The following PCDH11X variants were observed in gnomAD, a reference collection of about 807,000 sequenced individuals.
PCDH11X encodes protocadherin 11 X-linked, also known as protocadherin-11 X-linked.
A neutral mutation model predicts 53.3 loss-of-function variants in PCDH11X; 18 were observed. The observed-to-expected ratio is 0.34, with a 90% confidence interval of 0.23 to 0.50. PCDH11X has a LOEUF of 0.50. PCDH11X is among the 20% of genes least tolerant of loss of function. PCDH11X has a pLI of 0.98. For synonymous variants in PCDH11X, 279 were observed against 393.3 expected (o/e 0.71, Z 3.44); for missense variants, 570 against 1,032.4 (o/e 0.55, Z 6.14).
intron 10 of PCDH11X, among the ~76,000 whole-genome samples, chrX:92,469,948 G>A (rs1185311801): frequency 1.9e-5 from 2 of 107,104 alleles, no homozygotes; most frequent in African/African-American, 3.4e-5. Flanking sequence ...GAAGAATGTC[G>A]TGATTATTTT....
intron 10 of PCDH11X, among the ~76,000 whole-genome samples, chrX:92,555,033 T>G (rs2075025140): frequency 8.9e-6 from 1 of 111,808 alleles, no homozygotes; most frequent in Non-Finnish European, 1.9e-5. Flanking sequence ...AGAGCCTGAG[T>G]AGCAGGGTTT....
At chrX:92,312,220 A>G (rs1166751770) in intron 8 of PCDH11X, among the ~76,000 whole-genome samples, 1 of 111,409 alleles carries the variant, frequency 9.0e-6, no homozygotes, top group Non-Finnish European at 1.9e-5. Flanking sequence ...CTTTCACAAA[A>G]CATAGTTGAT....
chrX:92,545,487 C>T (rs1045669199), intron 10 of PCDH11X, among the ~76,000 whole-genome samples: 1 of 104,896 alleles, frequency 9.5e-6, no homozygotes, highest in African/African-American at 3.6e-5. Context: ...GTGTAAGCTC[C>T]GCTTCCCGGG....
chrX:91,782,736 C>T (rs1466176135), intron 1 of PCDH11X, among the ~76,000 whole-genome samples: 1 of 111,311 alleles, frequency 9.0e-6, no homozygotes, highest in Non-Finnish European at 1.9e-5. Context: ...TTTAGAGACA[C>T]GCGCTCCAAA....
intron 4 of PCDH11X, among the ~76,000 whole-genome samples, chrX:91,833,355 C>T (rs1422833295): frequency 1.8e-5 from 2 of 109,804 alleles, no homozygotes; most frequent in South Asian, 3.9e-4. Flanking sequence ...TTTTTAATCT[C>T]ACCTTCATAA....
chrX:91,829,826 T>C (rs1474661796), intron 4 of PCDH11X, among the ~76,000 whole-genome samples: 1 of 111,612 alleles, frequency 9.0e-6, no homozygotes, highest in Non-Finnish European at 1.9e-5. Flanking sequence ...ATAACTGATT[T>C]GAAATCACAT....
intron 3 of PCDH11X, 121 bp from the exon 4 acceptor site, chrX:91,811,116 T>C: frequency 1.5e-6 from 1 of 670,598 alleles, no homozygotes. Flanking sequence ...AGTGCAGCAT[T>C]TGGGTTATTG....
At chrX:92,616,513 C>T (rs1029432455) in intron 10 of PCDH11X, among the ~76,000 whole-genome samples, 2 of 110,465 alleles carry the variant, frequency 1.8e-5, no homozygotes, top group Non-Finnish European at 3.8e-5. Context: ...TGAATTCAGA[C>T]CTTTGTTGAA....
chrX:92,412,991 T>C (rs1279041129), intron 9 of PCDH11X, among the ~76,000 whole-genome samples: 1 of 101,275 alleles, frequency 9.9e-6, no homozygotes, highest in Non-Finnish European at 2.0e-5. Context: ...TATCTAATTA[T>C]GTTGCTTTAT....
intron 9 of PCDH11X, among the ~76,000 whole-genome samples, chrX:92,450,034 G>T (rs5942254): frequency 0.25 from 27,648 of 110,381 alleles, 3,227 homozygotes; most frequent in Non-Finnish European, 0.35. Flanking sequence ...TAGAGTTCAT[G>T]AAATGGTAAA....
chrX:92,160,386 C>T (rs1475607456), intron 6 of PCDH11X, among the ~76,000 whole-genome samples: 2 of 110,146 alleles, frequency 1.8e-5, no homozygotes, highest in African/African-American at 3.3e-5. Context: ...GCTTAGCTCC[C>T]GCTTATGAGT....
chrX:92,409,449 A>C (rs186813716), intron 9 of PCDH11X, among the ~76,000 whole-genome samples: 144 of 112,213 alleles, frequency 1.3e-3, no homozygotes, highest in African/African-American at 4.3e-3. Flanking sequence ...AAAATTATAA[A>C]GCACTATTTT....
chrX:92,257,864 G>A (rs1036377855), intron 7 of PCDH11X, among the ~76,000 whole-genome samples: 1 of 111,698 alleles, frequency 9.0e-6, no homozygotes, highest in African/African-American at 3.3e-5. Context: ...AGCTGTTGGT[G>A]GATCTACCAT....
At chrX:92,416,799 T>A (rs1401300506) in intron 9 of PCDH11X, among the ~76,000 whole-genome samples, 1 of 111,678 alleles carries the variant, frequency 9.0e-6, no homozygotes. Context: ...GTTAAATGTA[T>A]AATATTTCTC....
intron 4 of PCDH11X, among the ~76,000 whole-genome samples, chrX:91,822,070 T>G (rs1936707306): frequency 9.2e-6 from 1 of 109,214 alleles, no homozygotes; most frequent in East Asian, 2.8e-4. Context: ...GCTGGATTTG[T>G]TTTGCCACTA....
intron 8 of PCDH11X, among the ~76,000 whole-genome samples, chrX:92,278,131 A>C (rs1177195765): frequency 9.0e-6 from 1 of 111,622 alleles, no homozygotes; most frequent in Non-Finnish European, 1.9e-5. Context: ...GAAGGGAGAG[A>C]TTGAAGTGTG....
At chrX:92,048,229 C>T (rs1409057071) in intron 6 of PCDH11X, among the ~76,000 whole-genome samples, 21 of 86,142 alleles carry the variant, frequency 2.4e-4, no homozygotes, top group African/African-American at 9.9e-4. Context: ...TGATATAAAG[C>T]TTTTCTTTTG....
chrX:92,530,110 A>G (rs1308347248), intron 10 of PCDH11X, among the ~76,000 whole-genome samples: 5 of 110,333 alleles, frequency 4.5e-5, no homozygotes, highest in African/African-American at 9.9e-5. Context: ...TTCAATTTAG[A>G]TGGTTCTCAA....
chrX:92,103,600 G>A (rs1174365381), intron 6 of PCDH11X, among the ~76,000 whole-genome samples: 1 of 111,748 alleles, frequency 8.9e-6, no homozygotes, highest in East Asian at 2.9e-4. Context: ...TGAACAGTCC[G>A]ATTTTCAGTG....
Sources: allele counts gnomAD v4.1 joint callset (sites outside exome capture counted in the v4.1 genomes callset), GRCh38; gene constraint gnomAD v4.1.1; transcripts MANE v1.5; gene names NCBI Gene and HGNC (gene_info 2026-07-23, HGNC 2026-07-21).